The following GJC1 variants were observed in gnomAD, a reference collection of about 807,000 sequenced individuals.
GJC1 encodes gap junction protein gamma 1.
A neutral mutation model predicts 29.3 loss-of-function variants in GJC1; 5 were observed. The observed-to-expected ratio is 0.17, with a 90% confidence interval of 0.09 to 0.36. The LOEUF (loss-of-function observed/expected upper bound fraction) is 0.36. GJC1 is among the 10% of genes least tolerant of loss of function. The probability of loss-of-function intolerance (pLI) is 1.00; values close to 1 mark genes in which losing one functional copy is unlikely to be tolerated. For synonymous variants in GJC1, 177 were observed against 183.3 expected (o/e 0.97, Z 0.28); for missense variants, 310 against 496.2 (o/e 0.62, Z 3.56).
At chr17:44,811,972 C>T (rs1181713973) in intron 1 of GJC1, among the ~76,000 whole-genome samples, 4 of 150,618 alleles carry the variant, frequency 2.7e-5, no homozygotes, top group South Asian at 2.1e-4. Flanking sequence ...CATTGCACTC[C>T]GGCCTGGGCA....
chr17:44,826,387 G>A (rs1029105839), intron 1 of GJC1, among the ~76,000 whole-genome samples: 12 of 152,154 alleles, frequency 7.9e-5, no homozygotes, highest in South Asian at 2.1e-4. Flanking sequence ...AAAATTAGCC[G>A]GGCATGGTGG....
At chr17:44,814,692 T>C (rs963678132) in intron 1 of GJC1, among the ~76,000 whole-genome samples, 34 of 152,118 alleles carry the variant, frequency 2.2e-4, no homozygotes, top group African/African-American at 7.9e-4. Flanking sequence ...CCTGTAATCC[T>C]AGCACTTTGG....
At chr17:44,813,543 A>G (rs1364275637) in intron 1 of GJC1, among the ~76,000 whole-genome samples, 1 of 122,798 alleles carries the variant, frequency 8.1e-6, no homozygotes, top group Non-Finnish European at 1.6e-5. Flanking sequence ...CCCAGGCTGG[A>G]GTGCAGTACC....
At chr17:44,796,415 G>A (rs977723309), downstream of GJC1, among the ~76,000 whole-genome samples, 5 of 152,150 alleles carry the variant, frequency 3.3e-5, no homozygotes, top group African/African-American at 1.2e-4. Context: ...GGAGTCCCTG[G>A]ATCCTCTATG....
rs1455121918 is a variant in GJC1 at position 44,805,508 on chromosome 17, G to C, written c.310C>G (p.His104Asp). The C allele has an allele frequency of 6.2e-7, 1 of 1,614,044 alleles. No homozygotes were observed. Among genetic ancestry groups the C allele is most frequent in the African/African-American group, 1.3e-5 (1 of 74,920 alleles). Reference protein sequence around the residue: ...YAIHKIAKMEHGEADKKAARS... With the variant: ...YAIHKIAKMEDGEADKKAARS... Reference sequence around the variant, plus strand: ...GCTGCCTTCTTGTCTGCTTCACCGTGCTCCATTTTGGCAATCTTGTGGATA... The same window carrying C: ...GCTGCCTTCTTGTCTGCTTCACCGTCCTCCATTTTGGCAATCTTGTGGATA... The change falls in exon 3 of 3, where the codon CAC (histidine) becomes GAC (aspartate). Residue 104 changes from histidine (H) to aspartate (D), a missense_variant. By Grantham distance (81) the His-to-Asp change is moderately conservative. Around this residue, in one of 4 missense-constraint regions of GJC1, gnomAD observed 82 missense variants for 100.7 expected, o/e 0.81. Transcript: ENST00000592524. The surrounding 1 kb of genome is among the most constrained non-coding windows in gnomAD (Gnocchi z 5.1).
rs1294889944 is a variant in GJC1 at position 44,800,177 on chromosome 17, C to G, written c.*4450G>C. 1 of 152,130 alleles carries G rather than the reference C, an allele frequency of 6.6e-6. No homozygotes were observed. The highest frequency in any genetic ancestry group is 1.5e-5 in the Non-Finnish European group (1 of 68,038). The allele number at this position is 152,130 out of a possible 1,614,324, so 9.4% of individuals were successfully genotyped here. A position where few individuals can be genotyped will look rare whatever the true frequency, so the allele number is the denominator to read the frequency against. ...CCAGGCTGAAGTGCAATGGCGCAATCTCGGCTCACTGCAACCTCTACCTCC... is the reference window on the plus strand; with the variant it reads ...CCAGGCTGAAGTGCAATGGCGCAATGTCGGCTCACTGCAACCTCTACCTCC... On this transcript the variant is annotated 3_prime_UTR_variant, in exon 3 of 3. Coordinates refer to ENST00000592524, the MANE Select transcript of GJC1 (RefSeq NM_005497.4).
Position 44,804,683 on chromosome 17 carries a change from T to C in GJC1, c.1135A>G (p.Asn379Asp), listed in dbSNP as rs750182801. ...KAKVGSKAGSNKSTASSKSGD... is the reference protein window; with the variant it reads ...KAKVGSKAGSDKSTASSKSGD... ...GATTTGCTACTGGCAGTGCTTTTGT[T>C]GGACCCAGCTTTGGACCCCACTTTG... is the stretch of plus-strand genomic sequence containing the variant. The change falls in exon 3 of 3, where the codon AAC (asparagine) becomes GAC (aspartate). Residue 379 changes from asparagine to aspartate, a missense_variant. By Grantham distance (23) the Asn-to-Asp change is conservative. This residue lies in a region of GJC1 where 146 missense variants were observed against 165.0 expected (regional missense o/e 0.88). Coordinates refer to ENST00000592524, the MANE Select transcript of GJC1 (RefSeq NM_005497.4). 1.2e-6 allele frequency: 2 copies of C among 1,614,170 alleles called. No homozygotes were observed. The highest frequency in any genetic ancestry group is 3.3e-5 in the Admixed American group (2 of 60,020).
intron 1 of GJC1, among the ~76,000 whole-genome samples, chr17:44,822,711 G>C (rs1291557083): frequency 4.1e-5 from 6 of 146,928 alleles, no homozygotes; most frequent in Non-Finnish European, 7.4e-5. Flanking sequence ...TAATAAAATA[G>C]AGTACACTGA....
chr17:44,796,050 T>G (rs2145273068), downstream of GJC1, among the ~76,000 whole-genome samples: 1 of 152,348 alleles, frequency 6.6e-6, no homozygotes, highest in East Asian at 1.9e-4. Context: ...ATTCTGCTTC[T>G]GCAGGTCGGT....
chr17:44,818,307 G>C (rs1242368261), intron 1 of GJC1, among the ~76,000 whole-genome samples: 2 of 152,152 alleles, frequency 1.3e-5, no homozygotes, highest in Non-Finnish European at 2.9e-5. Context: ...TGGAATGAAA[G>C]TTTAAAAGTA....
At chr17:44,808,377 A>C (rs941951138) in intron 1 of GJC1, among the ~76,000 whole-genome samples, 1 of 151,350 alleles carries the variant, frequency 6.6e-6, no homozygotes, top group African/African-American at 2.4e-5. Flanking sequence ...GTGTGGTGGC[A>C]GTGGTGGCCA....
rs193019907 is a variant in GJC1, at chr17:44,822,840, C to G, written c.-97+7222G>C. On this transcript the variant is annotated intron_variant, in intron 1 of 2. Transcript: ENST00000592524. ...AGGCAGCCAGGATAAAAAAAGAGGTCTGGCTACAGATAAAAATGTGGCAGT... is the reference window on the plus strand; with the variant it reads ...AGGCAGCCAGGATAAAAAAAGAGGTGTGGCTACAGATAAAAATGTGGCAGT... Among the ~76,000 whole-genome samples the G allele has an allele frequency of 3.6e-3, 550 of 152,072 alleles. 1 individual carries two copies. The highest frequency in any genetic ancestry group is 0.013 in the African/African-American group (535 of 41,504).
intron 1 of GJC1, among the ~76,000 whole-genome samples, chr17:44,819,430 G>A (rs907036652): frequency 9.2e-5 from 14 of 152,114 alleles, no homozygotes; most frequent in African/African-American, 2.9e-4. Context: ...AGGCCGAGGC[G>A]GGTAGATCAT....
chr17:44,823,277 G>GA (rs1479353024), intron 1 of GJC1, among the ~76,000 whole-genome samples: 1 of 135,508 alleles, frequency 7.4e-6, no homozygotes, highest in Non-Finnish European at 1.6e-5. Flanking sequence ...TTTTAAGACG[G>GA]AGTGTTGCTC....
intron 1 of GJC1, among the ~76,000 whole-genome samples, chr17:44,811,944 A>G (rs2049987566): frequency 6.6e-6 from 1 of 151,752 alleles, no homozygotes; most frequent in Admixed American, 6.6e-5. Flanking sequence ...CAGAGGTTGC[A>G]GTGAGCCGAG....
At chr17:44,819,823 G>A (rs1034446061) in intron 1 of GJC1, among the ~76,000 whole-genome samples, 5 of 151,994 alleles carry the variant, frequency 3.3e-5, no homozygotes, top group African/African-American at 1.2e-4. Flanking sequence ...TTTGGCCACT[G>A]TGAATAATGC....
In GJC1 at chr17:44,804,171, A is replaced by T. The variant is rs1411531202; in HGVS notation, c.*456T>A. ...AGCATCTATTAAAAACTCTAAAGCC[A>T]GGGTAGAATTTGCTGAACAAAGTAA... On this transcript the variant is annotated 3_prime_UTR_variant, in exon 3 of 3. Coordinates refer to ENST00000592524, the MANE Select transcript of GJC1 (RefSeq NM_005497.4). 1 of 154,446 alleles carries T rather than the reference A, an allele frequency of 6.5e-6. No individual in the cohort carries two copies. The highest frequency in any genetic ancestry group is 1.4e-5 in the Non-Finnish European group (1 of 69,760). The allele number at this position is 154,446 out of a possible 1,614,324, so 9.6% of individuals were successfully genotyped here.
downstream of GJC1, among the ~76,000 whole-genome samples, chr17:44,796,356 C>G (rs959274460): frequency 6.6e-6 from 1 of 152,192 alleles, no homozygotes. Flanking sequence ...CTTCCATCAA[C>G]CCTGCCCCAA....
At position 44,819,659 on chromosome 17, in the gene GJC1, AAAATAAATAAATAAAT is replaced by A. The variant is rs199517100; in HGVS notation, c.-97+10387_-97+10402del. 5.2e-4 allele frequency among the ~76,000 whole-genome samples: 76 copies of A among 146,246 alleles called. 1 individual carries two copies. The highest frequency in any genetic ancestry group is 7.2e-3 in the Middle Eastern group (2 of 276). ...GGCGACAGAGCGAGACTCCGTCTCA[AAAATAAATAAATAAAT>A]AAATAAATAAATAAATAAATAAATA... On this transcript the variant is annotated intron_variant, in intron 1 of 2. Transcript: ENST00000592524.
Sources: allele counts gnomAD v4.1 joint callset (sites outside exome capture counted in the v4.1 genomes callset), GRCh38; gene constraint gnomAD v4.1.1; regional missense constraint gnomAD v4.1.1; non-coding constraint Gnocchi (gnomAD v3.1); transcripts MANE v1.5; gene names NCBI Gene and HGNC (gene_info 2026-07-23, HGNC 2026-07-21).